XKR5: variants seen among roughly 807,000 people sequenced by gnomAD.
The protein encoded by XKR5 is XK-related protein 5.
A neutral mutation model predicts 40.8 loss-of-function variants in XKR5; 46 were observed. That is an observed-to-expected ratio of 1.13 (90% CI 0.89 to 1.44). XKR5 has a LOEUF of 1.44. Ranked by LOEUF, XKR5 falls within the 40% of genes most tolerant of loss-of-function variation. The probability of loss-of-function intolerance (pLI) is 0.00; values close to 1 mark genes in which losing one functional copy is unlikely to be tolerated. For synonymous variants in XKR5, 466 were observed against 356.1 expected (o/e 1.31, Z -3.48); for missense variants, 1,169 against 844.7 (o/e 1.38, Z -4.76).
At chr8:6,833,050 G>A in intron 1 of XKR5, 150 bp from the exon 2 acceptor site, 1 of 736,980 alleles carries the variant, frequency 1.4e-6, no homozygotes, top group Non-Finnish European at 2.0e-6. Flanking sequence ...CCCTCCCAAG[G>A]CTAGCAATTA....
chr8:6,814,548 G>A (rs148146807), intron 6 of XKR5, among the ~76,000 whole-genome samples: 6 of 152,278 alleles, frequency 3.9e-5, no homozygotes, highest in Admixed American at 2.0e-4. Context: ...GCACCTCGAC[G>A]TACTACTTTG....
chr8:6,814,278 G>A (rs1398478707), intron 6 of XKR5, among the ~76,000 whole-genome samples: 4 of 152,164 alleles, frequency 2.6e-5, no homozygotes, highest in African/African-American at 9.7e-5. Flanking sequence ...AACAAGCTGT[G>A]GTCCGTCCAA....
chr8:6,832,584 C>T, intron 2 of XKR5, 133 bp downstream of exon 2: 1 of 1,138,954 alleles, frequency 8.8e-7, no homozygotes, highest in Non-Finnish European at 1.2e-6. Flanking sequence ...CAGGGGTTTG[C>T]TGTGGCCGCT....
In XKR5 at chr8:6,835,321, C is replaced by A; in HGVS notation, c.58+115G>T. On this transcript the variant is annotated intron_variant, in intron 1 of 6. Transcript: ENST00000618742. ...CACCGTGCGTCACCGGCGCGCAGTG[C>A]TGGGCGCAGGCTGGGGCAGTGCCCG... The A allele has an allele frequency of 3.6e-6, 4 of 1,119,160 alleles. No homozygotes were observed. The South Asian group carries it at 8.7e-5, about 24-fold the overall frequency. The allele number at this position is 1,119,160 out of a possible 1,614,324, so 69.3% of individuals were successfully genotyped here.
At chr8:6,819,020 C>A (rs751214495) in intron 5 of XKR5, among the ~76,000 whole-genome samples, 1 of 152,216 alleles carries the variant, frequency 6.6e-6, no homozygotes, top group Non-Finnish European at 1.5e-5. Context: ...CCAGCCTGGG[C>A]AACAGGGCAA....
At position 6,820,068 on chromosome 8, in the gene XKR5, G is replaced by C. The variant is rs149911303; in HGVS notation, c.807+1801C>G. Among the ~76,000 whole-genome samples the C allele has an allele frequency of 7.6e-4, 116 of 152,344 alleles. No homozygotes were observed. In the Middle Eastern group the frequency reaches 0.01, roughly 13 times the overall value. Reference sequence around the variant, plus strand: ...CAACCATTTCAGAGATGCAAAAACTGGGTGTGGGGGCAGGGGGAGCCCCGG... The same window carrying C: ...CAACCATTTCAGAGATGCAAAAACTCGGTGTGGGGGCAGGGGGAGCCCCGG... On this transcript the variant is annotated intron_variant, in intron 5 of 6. Coordinates refer to ENST00000618742, the MANE Select transcript of XKR5 (RefSeq NM_207411.5).
chr8:6,830,298 A>G (rs73661488), intron 2 of XKR5, among the ~76,000 whole-genome samples: 11,110 of 152,232 alleles, frequency 0.073, 1,242 homozygotes, highest in African/African-American at 0.24. Context: ...GTCCTTTTCT[A>G]GAATTGCAAT....
At chr8:6,832,605 T>C (rs527253607) in intron 2 of XKR5, 112 bp downstream of exon 2, 3 of 1,409,240 alleles carry the variant, frequency 2.1e-6, no homozygotes, top group East Asian at 2.4e-5. Flanking sequence ...TTGAACCTCT[T>C]CCCAATGCTG....
chr8:6,828,405 G>C (rs1804617615), intron 2 of XKR5, among the ~76,000 whole-genome samples: 1 of 152,166 alleles, frequency 6.6e-6, no homozygotes, highest in South Asian at 2.1e-4. Context: ...GTAAGGCGGG[G>C]GCCAGGAGAG....
chr8:6,833,278 C>T (rs896787647), intron 1 of XKR5, among the ~76,000 whole-genome samples: 1 of 152,220 alleles, frequency 6.6e-6, no homozygotes, highest in African/African-American at 2.4e-5. Context: ...GGTGCTCTGC[C>T]CTAGCAAAGC....
intron 2 of XKR5, among the ~76,000 whole-genome samples, chr8:6,830,457 T>C (rs1278968306): frequency 1.3e-5 from 2 of 152,208 alleles, no homozygotes; most frequent in Non-Finnish European, 2.9e-5. Flanking sequence ...TTCTGTTTTT[T>C]GGTTCATGTT....
At chr8:6,834,825 G>A (rs1368618580) in intron 1 of XKR5, among the ~76,000 whole-genome samples, 1 of 152,182 alleles carries the variant, frequency 6.6e-6, no homozygotes, top group East Asian at 1.9e-4. Flanking sequence ...CGGCTGGCGG[G>A]CTCTGGGTTC....
chr8:6,808,975 A>G lies in XKR5; in HGVS notation c.*2223T>C, dbSNP rs1803560752. On this transcript the variant is annotated 3_prime_UTR_variant, in exon 7 of 7. Coordinates refer to ENST00000618742, the MANE Select transcript of XKR5 (RefSeq NM_207411.5). Reference sequence around the variant, plus strand: ...CTCTGCTGGACCTTGGAGTTAGCCCAGAAGGAGGACTGCAACCCTTAATTA... The same window carrying G: ...CTCTGCTGGACCTTGGAGTTAGCCCGGAAGGAGGACTGCAACCCTTAATTA... 6.6e-6 allele frequency: 1 copy of G among 152,232 alleles called. No individual in the cohort carries two copies. Among genetic ancestry groups the G allele is most frequent in the South Asian group, 2.1e-4 (1 of 4,824 alleles). 9.4% of individuals were successfully genotyped at this position (152,232 alleles called of 1,614,324 possible).
chr8:6,814,485 G>A (rs1354646030), intron 6 of XKR5, among the ~76,000 whole-genome samples: 1 of 152,100 alleles, frequency 6.6e-6, no homozygotes, highest in African/African-American at 2.4e-5. Flanking sequence ...TGGCAGGGGC[G>A]AGAGGAAGGG....
Position 6,815,896 on chromosome 8 carries a change from A to T in XKR5, c.830T>A (p.Ile277Asn). 1 of 1,602,488 alleles carries T rather than the reference A, an allele frequency of 6.2e-7. No individual in the cohort carries two copies. Among genetic ancestry groups the T allele is most frequent in the South Asian group, 1.1e-5 (1 of 88,620 alleles). ...FYMVMLLENIILLLLATDFLQ... is the reference protein window; with the variant it reads ...FYMVMLLENINLLLLATDFLQ... ...AAAGTCGGTGGCCAACAGCAACAGGATGATGTTCTCCAACAGCATGACCTG... is the reference window on the plus strand; with the variant it reads ...AAAGTCGGTGGCCAACAGCAACAGGTTGATGTTCTCCAACAGCATGACCTG... Residue 277 changes from isoleucine to asparagine, a missense_variant, in exon 6 of 7, where the codon ATC becomes AAC. Transcript: ENST00000618742.
Position 6,811,404 on chromosome 8 carries a change from T to C in XKR5, c.1855A>G (p.Arg619Gly). The C allele has an allele frequency of 6.5e-7, 1 of 1,537,282 alleles. No homozygotes were observed. The highest frequency in any genetic ancestry group is 1.2e-5 in the South Asian group (1 of 84,056). Reference sequence around the variant, plus strand: ...TCTAGCTCTGAGATACTGAGGGTTCTTCCAGGGAAGCCTGCACTGGGGCAG... The same window carrying C: ...TCTAGCTCTGAGATACTGAGGGTTCCTCCAGGGAAGCCTGCACTGGGGCAG... The part of the protein sequence containing the change: ...GFCPSAGFPG[R>G]TLSISELEEP... The change falls in exon 7 of 7, where the codon AGA (arginine) becomes GGA (glycine). Residue 619 changes from arginine (R) to glycine (G), a missense_variant. Arg to Gly is a moderately radical substitution (Grantham distance 125). Transcript: ENST00000618742.
At chr8:6,827,010 A>T (rs138601876) in intron 2 of XKR5, among the ~76,000 whole-genome samples, 1 of 152,284 alleles carries the variant, frequency 6.6e-6, no homozygotes, top group South Asian at 2.1e-4. Flanking sequence ...CCATGAGCCT[A>T]TGCCAGGCAC....
intron 3 of XKR5, among the ~76,000 whole-genome samples, chr8:6,824,814 G>T (rs1406955091): frequency 6.6e-6 from 1 of 152,152 alleles, no homozygotes; most frequent in African/African-American, 2.4e-5. Flanking sequence ...TGAGACTTGT[G>T]CCCGGCCAAG....
chr8:6,824,936 A>T (rs1186415248), intron 3 of XKR5, among the ~76,000 whole-genome samples: 1 of 152,202 alleles, frequency 6.6e-6, no homozygotes, highest in Non-Finnish European at 1.5e-5. Flanking sequence ...TTTCTATCTT[A>T]TGGGCTGACT....
Sources: allele counts gnomAD v4.1 joint callset (sites outside exome capture counted in the v4.1 genomes callset), GRCh38; gene constraint gnomAD v4.1.1; transcripts MANE v1.5; gene names NCBI Gene and HGNC (gene_info 2026-07-23, HGNC 2026-07-21).